The following SPART variants were observed in gnomAD, a reference collection of about 807,000 sequenced individuals.
SPART encodes the protein spartin.
In SPART, 35 loss-of-function variants were observed where a neutral mutation model predicts 58.7. That is an observed-to-expected ratio of 0.60 (90% confidence interval 0.46 to 0.79). SPART has a LOEUF of 0.79. SPART is among the 30% of genes least tolerant of loss of function. The pLI, the probability that SPART is intolerant of heterozygous loss-of-function variation, is 0.00. For synonymous variants in SPART, 284 were observed against 280.7 expected, an observed-to-expected ratio of 1.01 and a Z score of -0.12; for missense variants, 730 against 786.1, an observed-to-expected ratio of 0.93 and a Z score of 0.85.
In SPART at chr13:36,335,535, A is replaced by G; in HGVS notation, c.296T>C (p.Leu99Pro). The G allele has an allele frequency of 1.2e-6, 2 of 1,614,154 alleles. No individual in the cohort carries two copies. Among genetic ancestry groups the G allele is most frequent in the South Asian group, 1.1e-5 (1 of 91,084 alleles). The stretch of plus-strand genomic sequence containing the variant: ...AAGATCATTCTGCAGAGAAGTGGCA[A>G]GACCCTTCTCTAGAATTTCCAGCCT... ...RTRLEILEKG[L>P]ATSLQNDLQE... is the part of the protein sequence containing the mutation. The change falls in exon 2 of 9, where the codon CTT (leucine) becomes CCT (proline). Residue 99 changes from leucine to proline, a missense_variant. Leu to Pro is a moderately conservative substitution (Grantham distance 98). Coordinates refer to ENST00000438666, the MANE Select transcript of SPART (RefSeq NM_015087.5).
intron 8 of SPART, among the ~76,000 whole-genome samples, chr13:36,307,457 C>T (rs1880628843): frequency 6.6e-6 from 1 of 151,936 alleles, no homozygotes; most frequent in Non-Finnish European, 1.5e-5. Context: ...TTAACTATAG[C>T]ATAGTACCAA....
At chr13:36,306,060 T>C (rs1594112456) in intron 8 of SPART, among the ~76,000 whole-genome samples, 1 of 152,202 alleles carries the variant, frequency 6.6e-6, no homozygotes, top group African/African-American at 2.4e-5. Flanking sequence ...AGGATGATTC[T>C]ATTCTGTCCT....
chr13:36,355,173 C>T (rs1885573422), intron 1 of SPART, among the ~76,000 whole-genome samples: 1 of 152,080 alleles, frequency 6.6e-6, no homozygotes, highest in Non-Finnish European at 1.5e-5. Flanking sequence ...TGTTGGTTTT[C>T]TTTTTTGAGT....
At chr13:36,329,277 A>G in intron 4 of SPART, 85 bp downstream of exon 4, 2 of 1,488,652 alleles carry the variant, frequency 1.3e-6, no homozygotes, top group East Asian at 2.3e-5. Flanking sequence ...GCTTTAGTAT[A>G]TGGGAATATG....
chr13:36,354,947 A>G (rs1157360711), intron 1 of SPART, among the ~76,000 whole-genome samples: 1 of 152,262 alleles, frequency 6.6e-6, no homozygotes. Context: ...AAATGTAAGT[A>G]AAGAAGACAA....
chr13:36,314,581 T>C, intron 5 of SPART, 160 bp from the exon 6 acceptor site: 1 of 738,168 alleles, frequency 1.4e-6, no homozygotes. Context: ...TACCTGCAGT[T>C]TTCTTCCTGA....
At chr13:36,356,776 A>T (rs1025811652) in intron 1 of SPART, among the ~76,000 whole-genome samples, 2 of 152,238 alleles carry the variant, frequency 1.3e-5, no homozygotes, top group African/African-American at 4.8e-5. Flanking sequence ...TTTGGCTCAG[A>T]ATAAATCTCT....
Position 36,327,543 on chromosome 13 carries a change from AG to A in SPART, c.1165-846del, listed in dbSNP as rs138223545. Among the ~76,000 whole-genome samples the A allele has an allele frequency of 3.0e-3, 456 of 152,362 alleles. 4 individuals are homozygous for A. Among genetic ancestry groups the A allele is most frequent in the African/African-American group, 0.01 (432 of 41,582 alleles). The stretch of plus-strand genomic sequence containing the variant: ...AACACAAAGTTCTAAATGATATGGA[AG>A]AATTTCCAAATATACTGTTAAGTAA... On this transcript the variant is annotated intron_variant, in intron 4 of 8. Transcript: ENST00000438666.
At position 36,304,606 on chromosome 13, in the gene SPART, G is replaced by C; in HGVS notation, c.1760C>G (p.Thr587Ser). Residue 587 changes from threonine (T) to serine (S), a missense_variant, in exon 9 of 9, where the codon ACC becomes AGC. Coordinates refer to ENST00000438666, the MANE Select transcript of SPART (RefSeq NM_015087.5). The stretch of plus-strand genomic sequence containing the variant: ...GACCGCAGAATCCACCGCATGGTGG[G>C]TAGCTTCTCCTGCATTATATCCGTA... ...YKYGYNAGEA[T>S]HHAVDSAVNV... 6.2e-7 allele frequency: 1 copy of C among 1,613,942 alleles called. No homozygotes were observed. Among genetic ancestry groups the C allele is most frequent in the Non-Finnish European group, 8.5e-7 (1 of 1,179,936 alleles).
At position 36,331,532 on chromosome 13, in the gene SPART, G is replaced by A; in HGVS notation, c.875C>T (p.Ala292Val). ...RSPVLKCTAG[A>V]YMFPDTMLQA... ...TAGCATTGTATCAGGAAACATGTAG[G>A]CTCCCGCAGTACATTTCAGAACCGG... The change falls in exon 3 of 9, where the codon GCC becomes GTC. Residue 292 changes from alanine to valine, a missense_variant. Coordinates refer to ENST00000438666, the MANE Select transcript of SPART (RefSeq NM_015087.5). The A allele has an allele frequency of 1.9e-6, 3 of 1,613,882 alleles. No homozygotes were observed. Among genetic ancestry groups the A allele is most frequent in the Middle Eastern group, 1.6e-4 (1 of 6,062 alleles).
intron 4 of SPART, among the ~76,000 whole-genome samples, chr13:36,327,014 A>G (rs1455410783): frequency 6.6e-6 from 1 of 152,164 alleles, no homozygotes; most frequent in Non-Finnish European, 1.5e-5. Flanking sequence ...AACAGATATC[A>G]TCCCTAGATA....
intron 4 of SPART, among the ~76,000 whole-genome samples, chr13:36,329,096 G>A (rs1027302552): frequency 6.6e-6 from 1 of 151,968 alleles, no homozygotes; most frequent in African/African-American, 2.4e-5. Flanking sequence ...GCAGGATCCT[G>A]TCTCAAAAAA....
intron 5 of SPART, among the ~76,000 whole-genome samples, chr13:36,321,381 G>C (rs1380133068): frequency 6.6e-6 from 1 of 152,104 alleles, no homozygotes; most frequent in Non-Finnish European, 1.5e-5. Flanking sequence ...ATCTCCTTAG[G>C]CGCTCTCTAA....
chr13:36,322,067 C>T (rs892613372), intron 5 of SPART, among the ~76,000 whole-genome samples: 27 of 152,108 alleles, frequency 1.8e-4, no homozygotes, highest in African/African-American at 6.3e-4. Context: ...TATAAAATGG[C>T]CCCACCCTTA....
At chr13:36,349,093 G>A (rs1334628399), upstream of SPART, among the ~76,000 whole-genome samples, 1 of 152,050 alleles carries the variant, frequency 6.6e-6, no homozygotes, top group Non-Finnish European at 1.5e-5. Flanking sequence ...AAGAAACCCG[G>A]TCTCTACTAA....
rs1445371274 is a variant in SPART, at chr13:36,302,837, C to T, written c.*1528G>A. On this transcript the variant is annotated 3_prime_UTR_variant, in exon 9 of 9. Coordinates refer to ENST00000438666, the MANE Select transcript of SPART (RefSeq NM_015087.5). ...AAATACTACAACAAATTCGTTCTAA[C>T]TATATTTTCGTACCCATTAATCAAC... 6.6e-6 allele frequency: 1 copy of T among 152,118 alleles called. No homozygotes were observed. Among genetic ancestry groups the T allele is most frequent in the South Asian group, 2.1e-4 (1 of 4,830 alleles). 9.4% of individuals were successfully genotyped at this position (152,118 alleles called of 1,614,324 possible). A position where few individuals can be genotyped will look rare whatever the true frequency, so the allele number is the denominator to read the frequency against.
At chr13:36,307,091 A>G (rs1458693845) in intron 8 of SPART, among the ~76,000 whole-genome samples, 1 of 152,158 alleles carries the variant, frequency 6.6e-6, no homozygotes, top group East Asian at 1.9e-4. Flanking sequence ...TCAGATTCAA[A>G]CTATACTGCT....
At chr13:36,352,252 A>G (rs9602853) in intron 1 of SPART, among the ~76,000 whole-genome samples, 50,309 of 152,152 alleles carry the variant, frequency 0.33, 9,244 homozygotes, top group Non-Finnish European at 0.42. Flanking sequence ...CTTTCCTCTT[A>G]CAGACCAAAT....
chr13:36,353,189 C>T (rs1885488937), intron 1 of SPART, among the ~76,000 whole-genome samples: 1 of 152,128 alleles, frequency 6.6e-6, no homozygotes, highest in African/African-American at 2.4e-5. Context: ...AAAAGGCTCA[C>T]CATTCATCTT....
Sources: allele counts gnomAD v4.1 joint callset (sites outside exome capture counted in the v4.1 genomes callset), GRCh38; gene constraint gnomAD v4.1.1; transcripts MANE v1.5; gene names NCBI Gene and HGNC (gene_info 2026-07-23, HGNC 2026-07-21).